EHBP1: variants seen among roughly 807,000 people sequenced by gnomAD.
EHBP1 encodes the protein EH domain-binding protein 1.
A neutral mutation model predicts 144.0 loss-of-function variants in EHBP1; 55 were observed. The ratio of observed to expected loss-of-function variants is 0.38; its 90% CI spans 0.31 to 0.48. The LOEUF (loss-of-function observed/expected upper bound fraction) is 0.48. EHBP1 is among the 20% of genes least tolerant of loss of function. The probability of loss-of-function intolerance (pLI) is 0.98; values close to 1 mark genes in which losing one functional copy is unlikely to be tolerated. For missense variants in EHBP1, 1,200 were observed against 1,364.2 expected (o/e 0.88, Z 1.90); for synonymous variants, 469 against 472.7 (o/e 0.99, Z 0.10).
intron 5 of EHBP1, among the ~76,000 whole-genome samples, chr2:62,812,517 A>T (rs886438516): frequency 9.2e-5 from 14 of 152,104 alleles, no homozygotes; most frequent in Non-Finnish European, 1.3e-4. Flanking sequence ...CTCTTTTTAG[A>T]GGTTATTTCA....
chr2:62,705,524 C>A (rs1254815756), upstream of EHBP1: 2 of 151,974 alleles, frequency 1.3e-5, no homozygotes, highest in African/African-American at 4.8e-5. Flanking sequence ...GCCTGTGCGT[C>A]GCATTCCGGC....
intron 16 of EHBP1, among the ~76,000 whole-genome samples, chr2:62,992,405 A>G (rs1316577481): frequency 6.6e-5 from 10 of 152,178 alleles, no homozygotes; most frequent in Admixed American, 6.5e-4. Flanking sequence ...GTTTATCTGT[A>G]TAGATAAAAT....
At chr2:62,822,640 GT>G (rs760543980) in intron 5 of EHBP1, among the ~76,000 whole-genome samples, 1 of 152,144 alleles carries the variant, frequency 6.6e-6, no homozygotes, top group Non-Finnish European at 1.5e-5. Context: ...ATGTCAGATT[GT>G]TTTTCAAAGT....
intron 7 of EHBP1, among the ~76,000 whole-genome samples, chr2:62,849,319 G>A (rs928733227): frequency 3.9e-5 from 6 of 152,096 alleles, no homozygotes; most frequent in Non-Finnish European, 5.9e-5. Flanking sequence ...AGAGAGAGAT[G>A]CTGGGCCATC....
chr2:62,686,274 A>G (rs1413908009), intron 1 of EHBP1, among the ~76,000 whole-genome samples: 5 of 152,220 alleles, frequency 3.3e-5, no homozygotes, highest in Admixed American at 2.6e-4. Context: ...CATAAATAAT[A>G]TACTGCATAT....
intron 9 of EHBP1, among the ~76,000 whole-genome samples, chr2:62,868,835 T>G (rs571203500): frequency 1.3e-5 from 2 of 152,178 alleles, no homozygotes; most frequent in African/African-American, 4.8e-5. Context: ...ACACCTGTGG[T>G]CCCAGCTACT....
rs1343486305 is a variant in EHBP1, at chr2:62,707,287, G to A, written c.96G>A (p.Thr32=). Residue 32 remains threonine, a synonymous_variant, in exon 2 of 23, where the codon ACG becomes ACA. Coordinates refer to ENST00000431489, the MANE Select transcript of EHBP1 (RefSeq NM_001142616.3). ...ACCAGGAGCTCATGGTTGAGTGTAC[G>A]AAGAAATGGTAAGATGTACCTGGAG... ...ASYQELMVEC[T]KKWQPDKLVV... The A allele has an allele frequency of 6.2e-7, 1 of 1,613,100 alleles. No homozygotes were observed. The highest frequency in any genetic ancestry group is 1.3e-5 in the African/African-American group (1 of 74,924).
intron 21 of EHBP1, 129 bp downstream of exon 21, chr2:63,038,945 C>T (rs1030955362): frequency 8.3e-6 from 6 of 721,218 alleles, no homozygotes; most frequent in East Asian, 5.3e-5. Flanking sequence ...AAATAAATGC[C>T]GTGGAGGCAG....
intron 16 of EHBP1, among the ~76,000 whole-genome samples, chr2:62,992,255 A>G (rs1470185969): frequency 2.0e-5 from 3 of 152,158 alleles, no homozygotes; most frequent in Non-Finnish European, 4.4e-5. Flanking sequence ...GTAGAACTCT[A>G]TTTTTCTTTA....
chr2:62,892,716 T>C (rs538643161), intron 10 of EHBP1, among the ~76,000 whole-genome samples: 126 of 152,252 alleles, frequency 8.3e-4, no homozygotes, highest in South Asian at 1.7e-3. Context: ...AATATTTTAG[T>C]ATAAAAATTA....
intron 7 of EHBP1, among the ~76,000 whole-genome samples, chr2:62,848,172 A>G (rs1030976865): frequency 6.7e-6 from 1 of 148,538 alleles, no homozygotes; most frequent in Non-Finnish European, 1.5e-5. Flanking sequence ...TCCACCTCCC[A>G]GGTTCAAGCG....
intron 10 of EHBP1, among the ~76,000 whole-genome samples, chr2:62,889,355 TTACTC>T (rs1386584416): frequency 3.3e-5 from 5 of 152,108 alleles, no homozygotes; most frequent in African/African-American, 4.8e-5. Context: ...AGTTGTCTGT[TTACTC>T]TATTGATAGT....
intron 5 of EHBP1, among the ~76,000 whole-genome samples, chr2:62,785,893 T>C (rs2042768201): frequency 6.6e-6 from 1 of 152,138 alleles, no homozygotes; most frequent in Non-Finnish European, 1.5e-5. Context: ...TTTTTTTCTT[T>C]CTGAACCACA....
chr2:62,922,359 C>A (rs573451738), intron 10 of EHBP1, among the ~76,000 whole-genome samples: 3 of 152,236 alleles, frequency 2.0e-5, no homozygotes, highest in African/African-American at 7.2e-5. Context: ...GTTCAAGAGT[C>A]ATCTGTACTT....
chr2:62,788,320 C>T (rs1179984503), intron 5 of EHBP1, among the ~76,000 whole-genome samples: 3 of 151,894 alleles, frequency 2.0e-5, no homozygotes, highest in Non-Finnish European at 4.4e-5. Context: ...GGAGTGGAGT[C>T]ATAATTCGTA....
At chr2:62,813,993 G>T (rs1045523940) in intron 5 of EHBP1, among the ~76,000 whole-genome samples, 1 of 152,152 alleles carries the variant, frequency 6.6e-6, no homozygotes, top group Non-Finnish European at 1.5e-5. Context: ...TTGAATTAGT[G>T]CTGGAACCGG....
intron 10 of EHBP1, among the ~76,000 whole-genome samples, chr2:62,901,756 A>C (rs910124427): frequency 6.6e-6 from 1 of 152,016 alleles, no homozygotes; most frequent in Non-Finnish European, 1.5e-5. Context: ...ATTTGAGTCC[A>C]GGAGTTCAAG....
chr2:63,036,449 C>G (rs1351471663), intron 19 of EHBP1, among the ~76,000 whole-genome samples: 1 of 151,886 alleles, frequency 6.6e-6, no homozygotes, highest in Non-Finnish European at 1.5e-5. Context: ...GAGGGCTATC[C>G]TTGACATTTT....
At chr2:62,973,794 GT>G (rs1219906566) in intron 14 of EHBP1, among the ~76,000 whole-genome samples, 1 of 152,088 alleles carries the variant, frequency 6.6e-6, no homozygotes, top group East Asian at 1.9e-4. Flanking sequence ...GAGCCCATGA[GT>G]TTGAGACCAG....
Sources: allele counts gnomAD v4.1 joint callset (sites outside exome capture counted in the v4.1 genomes callset), GRCh38; gene constraint gnomAD v4.1.1; transcripts MANE v1.5; gene names NCBI Gene and HGNC (gene_info 2026-07-23, HGNC 2026-07-21).